AHCY: variants seen among roughly 807,000 people sequenced by gnomAD.
The protein encoded by AHCY is adenosylhomocysteinase.
AHCY carries 24 observed loss-of-function variants against 45.4 expected under a neutral mutation model. The ratio of observed to expected loss-of-function variants is 0.53; its 90% confidence interval spans 0.38 to 0.74. The LOEUF is 0.74. Among genes scored for constraint, AHCY ranks in the 30% least tolerant of loss-of-function variants. AHCY has a pLI of 0.00. For missense variants in AHCY, 449 were observed against 594.1 expected, an observed-to-expected ratio of 0.76 and a Z score of 2.54; for synonymous variants, 245 against 235.1, an observed-to-expected ratio of 1.04 and a Z score of -0.39.
At chr20:34,303,615 G>A (rs765689154), upstream of AHCY, among the ~76,000 whole-genome samples, 2 of 152,250 alleles carry the variant, frequency 1.3e-5, no homozygotes, top group Admixed American at 6.5e-5. Flanking sequence ...CAGCGGAACT[G>A]AAATTCCGCC....
At chr20:34,298,273 TTA>T (rs1183665741) in intron 1 of AHCY, among the ~76,000 whole-genome samples, 2 of 152,186 alleles carry the variant, frequency 1.3e-5, no homozygotes, top group African/African-American at 4.8e-5. Flanking sequence ...GATATAGATC[TTA>T]TATATGATTA....
At chr20:34,297,393 G>C (rs2036609743) in intron 1 of AHCY, among the ~76,000 whole-genome samples, 1 of 152,036 alleles carries the variant, frequency 6.6e-6, no homozygotes, top group Non-Finnish European at 1.5e-5. Context: ...TCAGGTCCCG[G>C]TTCAAGCAAT....
At chr20:34,233,143 C>CTTTTTTTT in the AHCY span, among the ~76,000 whole-genome samples, 6 of 100,312 alleles carry the variant, frequency 6.0e-5, no homozygotes, top group African/African-American at 2.6e-4. Context: ...GGGACAAGAG[C>CTTTTTTTT]TTTTTTTTTT....
Position 34,295,633 on chromosome 20 carries a change from A to G in AHCY, c.29-48T>C, listed in dbSNP as rs765078739. ...GTTCCGTGAGTCCCCTCATCCCACC[A>G]ACCAAGAGGGGCGGTCACTGCATGG... On this transcript the variant is annotated intron_variant, in intron 1 of 9. Transcript: ENST00000217426. The G allele has an allele frequency of 1.3e-5, 20 of 1,593,188 alleles. No individual in the cohort carries two copies. The South Asian group carries it at 1.7e-4, about 13-fold the overall frequency.
At chr20:34,258,674 CATATAT>C in the AHCY span, among the ~76,000 whole-genome samples, 3 of 12,146 alleles carry the variant, frequency 2.5e-4, 1 homozygote, top group Admixed American at 3.8e-3. Flanking sequence ...AGGGGGATGC[CATATAT>C]ATATATATAT....
the AHCY span, among the ~76,000 whole-genome samples, chr20:34,252,232 G>C: frequency 6.6e-6 from 1 of 152,182 alleles, no homozygotes; most frequent in Non-Finnish European, 1.5e-5. Context: ...CAGGAGACCG[G>C]TGCTCAGTAT....
chr20:34,289,706 G>A (rs1329068852), intron 8 of AHCY, among the ~76,000 whole-genome samples: 2 of 150,926 alleles, frequency 1.3e-5, no homozygotes, highest in Admixed American at 6.6e-5. Flanking sequence ...TCGAACCCCT[G>A]ACCTCATGTG....
chr20:34,258,690 T>TATATATATATATATATATATATATATAC, the AHCY span, among the ~76,000 whole-genome samples: 82 of 72,294 alleles, frequency 1.1e-3, 5 homozygotes, highest in South Asian at 2.0e-3. Flanking sequence ...TATATATATA[T>TATATATATATATATATATATATATATAC]ACATACTATA....
the AHCY span, among the ~76,000 whole-genome samples, chr20:34,243,770 A>C: frequency 7.9e-5 from 12 of 151,890 alleles, no homozygotes; most frequent in East Asian, 5.8e-4. Context: ...AAAAAAAAAA[A>C]AAAAAACTGT....
chr20:34,287,386 ATTT>A (rs11479058), intron 8 of AHCY, among the ~76,000 whole-genome samples: 9 of 115,734 alleles, frequency 7.8e-5, no homozygotes, highest in Non-Finnish European at 1.1e-4. Context: ...TATTTTATTA[ATTT>A]TTTTTTTTTT....
chr20:34,258,676 T>TATATATATATATATATATATATATATAC, the AHCY span, among the ~76,000 whole-genome samples: 1 of 66,004 alleles, frequency 1.5e-5, no homozygotes, highest in Non-Finnish European at 2.3e-5. Flanking sequence ...GGGGATGCCA[T>TATATATATATATATATATATATATATAC]ATATATATAT....
Position 34,285,524 on chromosome 20 carries a change from G to A in AHCY, c.1083C>T (p.Ser361=). 1 of 1,614,158 alleles carries A rather than the reference G, an allele frequency of 6.2e-7. No homozygotes were observed. Among genetic ancestry groups the A allele is most frequent in the Non-Finnish European group, 8.5e-7 (1 of 1,180,012 alleles). Residue 361 remains serine, a synonymous_variant, in exon 9 of 10, where the codon TCC becomes TCT. Transcript: ENST00000217426. ...MGHPSFVMSN[S]FTNQVMAQIE... ...TCTGCGCCATCACCTGGTTGGTGAA[G>A]GAGTTACTCATCACGAAGCTGGGGT...
At chr20:34,303,902 G>A (rs1007771894), upstream of AHCY, among the ~76,000 whole-genome samples, 10 of 152,168 alleles carry the variant, frequency 6.6e-5, no homozygotes, top group African/African-American at 2.2e-4. Context: ...ACGCGGAGGC[G>A]GGAGGGAGGA....
chr20:34,295,211 AG>A (rs751938358), intron 2 of AHCY, 183 bp downstream of exon 2: 27 of 770,784 alleles, frequency 3.5e-5, no homozygotes, highest in Non-Finnish European at 5.3e-5. Context: ...GAAAATCTGC[AG>A]AACACTCACC....
intron 3 of AHCY, 90 bp downstream of exon 3, chr20:34,293,991 G>A (rs41310000): frequency 2.8e-5 from 37 of 1,336,492 alleles, no homozygotes; most frequent in Non-Finnish European, 3.6e-5. Context: ...TTTCTGATAT[G>A]TAAGGAAGTC....
rs573146559 is a variant in AHCY at position 34,290,799 on chromosome 20, C to T, written c.698G>A (p.Arg233Gln). 116 of 1,614,154 alleles carry T rather than the reference C, an allele frequency of 7.2e-5. No individual in the cohort carries two copies. The Middle Eastern group carries it at 1.3e-3, about 18-fold the overall frequency. ...DVGKGCAQAL[R>Q]GFGARVIITE... ...GATGATGACGCGGGCTCCGAAACCC[C>T]GCAGGGCCTGGGCACAGCCCTTGCC... Residue 233 changes from arginine (R) to glutamine (Q), a missense_variant, in exon 6 of 10, where the codon CGG becomes CAG. Transcript: ENST00000217426. The surrounding 1 kb of genome is among the most constrained non-coding windows in gnomAD (Gnocchi z 4.5).
At chr20:34,289,670 G>A (rs1046666039) in intron 8 of AHCY, among the ~76,000 whole-genome samples, 1 of 151,466 alleles carries the variant, frequency 6.6e-6, no homozygotes, top group Non-Finnish European at 1.5e-5. Flanking sequence ...TAGAGATGGG[G>A]TTTCATCATA....
chr20:34,253,853 G>A, the AHCY span, among the ~76,000 whole-genome samples: 1 of 152,152 alleles, frequency 6.6e-6, no homozygotes, highest in Admixed American at 6.5e-5. Context: ...TGACTCGTGT[G>A]TCTGGATCCT....
At chr20:34,285,337 A>T in intron 9 of AHCY, 103 bp downstream of exon 9, 2 of 1,325,862 alleles carry the variant, frequency 1.5e-6, no homozygotes, top group South Asian at 2.4e-5. Context: ...AGGGCCTCTA[A>T]GAGGGCAGAC....
Sources: gnomAD v4.1 joint callset for allele counts (sites outside exome capture counted in the v4.1 genomes callset) on GRCh38, gnomAD v4.1.1 for gene constraint, Gnocchi (gnomAD v3.1) non-coding constraint, MANE v1.5 for transcripts, NCBI Gene and HGNC (gene_info 2026-07-23, HGNC 2026-07-21) for gene names.